Variants in RTN1 observed in about 807,000 individuals in gnomAD.
RTN1 encodes reticulon-1.
RTN1 carries 25 observed loss-of-function variants against 65.5 expected under a neutral mutation model. The ratio of observed to expected loss-of-function variants is 0.38; its 90% confidence interval spans 0.28 to 0.53. RTN1 has a LOEUF of 0.53. Among genes scored for constraint, RTN1 ranks in the 20% least tolerant of loss-of-function variants. The probability of loss-of-function intolerance (pLI) is 0.79; values close to 1 mark genes in which losing one functional copy is unlikely to be tolerated. For missense variants in RTN1, 983 were observed against 1,025.4 expected, an observed-to-expected ratio of 0.96 and a Z score of 0.57; for synonymous variants, 471 against 447.6, an observed-to-expected ratio of 1.05 and a Z score of -0.66.
chr14:59,856,717 C>A (rs964762296), intron 1 of RTN1, among the ~76,000 whole-genome samples: 2 of 152,192 alleles, frequency 1.3e-5, no homozygotes, highest in Non-Finnish European at 2.9e-5. Context: ...TGGCTGAGGT[C>A]CAGCTTGGCA....
intron 3 of RTN1, among the ~76,000 whole-genome samples, chr14:59,608,147 C>T (rs147207951): frequency 0.012 from 1,860 of 152,136 alleles, 47 homozygotes; most frequent in African/African-American, 0.042. Context: ...TATTCCAGTC[C>T]CGGGATATAA....
At chr14:59,748,210 GTT>G (rs67657505) in intron 1 of RTN1, among the ~76,000 whole-genome samples, 2,303 of 125,952 alleles carry the variant, frequency 0.018, 69 homozygotes, top group African/African-American at 0.065. Context: ...AGTCTGTGAG[GTT>G]TTTTTTTTTT....
In RTN1 at chr14:59,836,898, T is replaced by C. The variant is rs914399018; in HGVS notation, c.241+33492A>G. ...AGCTGTCAAACTCTTCTGAAAAACA[T>C]AAAAAGACATGTTTTATGAATATAT... is the stretch of plus-strand genomic sequence containing the variant. On this transcript the variant is annotated intron_variant, in intron 1 of 8. Transcript: ENST00000267484. The surrounding 1 kb of genome is among the most constrained non-coding windows in gnomAD (Gnocchi z 4.9). 6.6e-6 allele frequency among the ~76,000 whole-genome samples: 1 copy of C among 152,170 alleles called. No homozygotes were observed. Among genetic ancestry groups the C allele is most frequent in the Admixed American group, 6.5e-5 (1 of 15,282 alleles).
At chr14:59,856,988 T>C (rs890965066) in intron 1 of RTN1, among the ~76,000 whole-genome samples, 2 of 152,178 alleles carry the variant, frequency 1.3e-5, no homozygotes, top group African/African-American at 4.8e-5. Flanking sequence ...CTTGCCCACA[T>C]TGACATGATA....
intron 3 of RTN1, among the ~76,000 whole-genome samples, chr14:59,645,016 C>T (rs1373503836): frequency 1.3e-5 from 2 of 152,062 alleles, no homozygotes; most frequent in Non-Finnish European, 1.5e-5. Flanking sequence ...TGCCATAGGG[C>T]TCTAGAGAGT....
chr14:59,703,035 A>G (rs1370078708), intron 3 of RTN1, among the ~76,000 whole-genome samples: 3 of 151,824 alleles, frequency 2.0e-5, no homozygotes, highest in African/African-American at 7.3e-5. Flanking sequence ...GCCTTCCTTA[A>G]ATCTTTGCTC....
At chr14:59,732,711 C>T (rs963930626) in intron 2 of RTN1, among the ~76,000 whole-genome samples, 1 of 152,204 alleles carries the variant, frequency 6.6e-6, no homozygotes, top group African/African-American at 2.4e-5. Context: ...AGAAGCTTTA[C>T]ATACTCCAGC....
rs1027434279 is a variant in RTN1 at position 59,870,083 on chromosome 14, C to T, written c.241+307G>A. Among the ~76,000 whole-genome samples the T allele has an allele frequency of 6.6e-6, 1 of 152,224 alleles. No homozygotes were observed. Among genetic ancestry groups the T allele is most frequent in the African/African-American group, 2.4e-5 (1 of 41,464 alleles). ...TCCTGGCAGGAGGGAGAAACTTGTA[C>T]CCAGACTCGCCAGCAGCCAGAATGC... On this transcript the variant is annotated intron_variant, in intron 1 of 8. Coordinates refer to ENST00000267484, the MANE Select transcript of RTN1 (RefSeq NM_021136.3). The surrounding 1 kb of genome is among the most constrained non-coding windows in gnomAD (Gnocchi z 5.1).
chr14:59,822,211 T>C (rs1886955931), intron 1 of RTN1, among the ~76,000 whole-genome samples: 1 of 152,166 alleles, frequency 6.6e-6, no homozygotes, highest in Admixed American at 6.5e-5. Context: ...CTGTTCAGGA[T>C]TTCAATTTCT....
intron 3 of RTN1, among the ~76,000 whole-genome samples, chr14:59,691,971 G>C (rs1721080300): frequency 6.6e-6 from 1 of 152,022 alleles, no homozygotes; most frequent in Non-Finnish European, 1.5e-5. Flanking sequence ...CAAACACACA[G>C]CCAACATCAT....
intron 1 of RTN1, among the ~76,000 whole-genome samples, chr14:59,767,555 C>T (rs559784256): frequency 2.6e-5 from 4 of 152,248 alleles, no homozygotes; most frequent in South Asian, 2.1e-4. Flanking sequence ...CTAACCAATA[C>T]AGCATGCAAA....
chr14:59,653,893 T>TTTTATTTA (rs142064095), intron 3 of RTN1, among the ~76,000 whole-genome samples: 1 of 151,778 alleles, frequency 6.6e-6, no homozygotes, highest in African/African-American at 2.4e-5. Context: ...TTGAACAACA[T>TTTTATTTA]TTTATTTATT....
intron 1 of RTN1, among the ~76,000 whole-genome samples, chr14:59,827,645 G>A (rs1887057844): frequency 6.6e-6 from 1 of 152,146 alleles, no homozygotes; most frequent in Non-Finnish European, 1.5e-5. Context: ...CCCTGTCCCA[G>A]GAGAAATCCT....
chr14:59,782,363 G>C (rs1197617824), intron 1 of RTN1, among the ~76,000 whole-genome samples: 1 of 152,198 alleles, frequency 6.6e-6, no homozygotes, highest in African/African-American at 2.4e-5. Flanking sequence ...ATCTGTTGGA[G>C]AAGGAGAAAA....
intron 3 of RTN1, 50 bp downstream of exon 3, chr14:59,726,869 G>A (rs752707982): frequency 6.0e-6 from 9 of 1,509,088 alleles, no homozygotes; most frequent in Non-Finnish European, 7.2e-6. Context: ...AATGCTCAGA[G>A]CACCCAGAGG....
intron 3 of RTN1, among the ~76,000 whole-genome samples, chr14:59,627,936 C>T (rs1882443189): frequency 6.6e-6 from 1 of 152,122 alleles, no homozygotes; most frequent in Admixed American, 6.6e-5. Context: ...GTTGCACTGA[C>T]CTTTTTCCAC....
chr14:59,657,707 C>T (rs868359115), intron 3 of RTN1, among the ~76,000 whole-genome samples: 2 of 152,178 alleles, frequency 1.3e-5, no homozygotes, highest in Non-Finnish European at 2.9e-5. Context: ...ATGGTGCATT[C>T]TGGCCCAGAA....
intron 1 of RTN1, among the ~76,000 whole-genome samples, chr14:59,837,975 G>A (rs959884952): frequency 3.3e-5 from 5 of 151,992 alleles, no homozygotes; most frequent in Non-Finnish European, 7.4e-5. Context: ...GATTCAGGGG[G>A]TACATGTGCA....
At chr14:59,810,685 G>T (rs1886713357) in intron 1 of RTN1, among the ~76,000 whole-genome samples, 1 of 152,118 alleles carries the variant, frequency 6.6e-6, no homozygotes, top group South Asian at 2.1e-4. Context: ...TCGGTGGGGA[G>T]GAACACTCAA....
Sources: gnomAD v4.1 joint callset for allele counts (sites outside exome capture counted in the v4.1 genomes callset) on GRCh38, gnomAD v4.1.1 for gene constraint, Gnocchi (gnomAD v3.1) non-coding constraint, MANE v1.5 for transcripts, NCBI Gene and HGNC (gene_info 2026-07-23, HGNC 2026-07-21) for gene names.